Variants in VAV2 observed in about 807,000 individuals in gnomAD.
VAV2 encodes guanine nucleotide exchange factor VAV2.
VAV2 carries 67 observed loss-of-function variants against 132.5 expected under a neutral mutation model. That is an observed-to-expected ratio of 0.51 (90% CI 0.42 to 0.62). The LOEUF (loss-of-function observed/expected upper bound fraction) is 0.62. Among genes scored for constraint, VAV2 ranks in the 20% least tolerant of loss-of-function variants. VAV2 has a pLI of 0.00. For missense variants in VAV2, 938 were observed against 1,153.6 expected, an observed-to-expected ratio of 0.81 and a Z score of 2.71; for synonymous variants, 492 against 443.5, an observed-to-expected ratio of 1.11 and a Z score of -1.37.
In VAV2 at chr9:133,903,835, C is replaced by T. The variant is rs74914852; in HGVS notation, c.321+35268G>A. ...TCCACACTGAGACCCGGAGAGGGCTCGGGGAGGCAGAGACCCTGAGCTTGA... is the reference window on the plus strand; with the variant it reads ...TCCACACTGAGACCCGGAGAGGGCTTGGGGAGGCAGAGACCCTGAGCTTGA... On this transcript the variant is annotated intron_variant, in intron 2 of 29. Coordinates refer to ENST00000371850, the MANE Select transcript of VAV2 (RefSeq NM_001134398.2). Among the ~76,000 whole-genome samples the T allele has an allele frequency of 4.4e-3, 671 of 152,106 alleles. 21 individuals are homozygous for T. The East Asian group carries it at 0.074, about 17-fold the overall frequency.
intron 2 of VAV2, among the ~76,000 whole-genome samples, chr9:133,871,459 T>C (rs1234327898): frequency 6.9e-6 from 1 of 144,732 alleles, no homozygotes; most frequent in East Asian, 2.1e-4. Flanking sequence ...GATGGATGGA[T>C]GGAGAAGCGG....
chr9:133,948,054 G>A (rs1841427890), intron 1 of VAV2, among the ~76,000 whole-genome samples: 1 of 152,148 alleles, frequency 6.6e-6, no homozygotes, highest in Non-Finnish European at 1.5e-5. Flanking sequence ...GCCTCCCAAA[G>A]TGCTGGGATT....
chr9:133,877,055 C>T (rs1028047886), intron 2 of VAV2, among the ~76,000 whole-genome samples: 5 of 152,120 alleles, frequency 3.3e-5, no homozygotes, highest in African/African-American at 1.2e-4. Context: ...TCCCTCCCCA[C>T]CCACCTGGGG....
At position 133,768,682 on chromosome 9, in the gene VAV2, T is replaced by A; in HGVS notation, c.2435-86A>T. ...AGGCCCTTGGGCCAAGCTGGGTCTCTCCCCTGGTGCCCAGAACCCTGCTCT... is the reference window on the plus strand; with the variant it reads ...AGGCCCTTGGGCCAAGCTGGGTCTCACCCCTGGTGCCCAGAACCCTGCTCT... On this transcript the variant is annotated intron_variant, in intron 28 of 29. Coordinates refer to ENST00000371850, the MANE Select transcript of VAV2 (RefSeq NM_001134398.2). The surrounding 1 kb of genome is among the most constrained non-coding windows in gnomAD (Gnocchi z 5.3). The A allele has an allele frequency of 6.7e-7, 1 of 1,500,258 alleles. No homozygotes were observed. The highest frequency in any genetic ancestry group is 8.9e-7 in the Non-Finnish European group (1 of 1,120,116). 92.9% of individuals were successfully genotyped at this position (1,500,258 alleles called of 1,614,324 possible). A position where few individuals can be genotyped will look rare whatever the true frequency, so the allele number is the denominator to read the frequency against.
intron 2 of VAV2, among the ~76,000 whole-genome samples, chr9:133,921,698 C>G (rs887017588): frequency 2.0e-5 from 3 of 152,204 alleles, no homozygotes; most frequent in African/African-American, 7.2e-5. Context: ...CAGATACGGC[C>G]CAGGCCCTGC....
chr9:133,931,153 C>T (rs999252436), intron 2 of VAV2, among the ~76,000 whole-genome samples: 1 of 152,160 alleles, frequency 6.6e-6, no homozygotes, highest in Non-Finnish European at 1.5e-5. Context: ...AGACTTCACT[C>T]GGAAACCTGT....
At chr9:133,939,336 T>A in intron 1 of VAV2, 117 bp from the exon 2 acceptor site, 1 of 905,460 alleles carries the variant, frequency 1.1e-6, no homozygotes, top group East Asian at 2.4e-5. Flanking sequence ...ACATCCAAGC[T>A]CATTCCTGTT....
chr9:133,862,328 G>A (rs1196571338), intron 2 of VAV2, among the ~76,000 whole-genome samples: 1 of 152,262 alleles, frequency 6.6e-6, no homozygotes, highest in Non-Finnish European at 1.5e-5. Context: ...ACAGGGAGCT[G>A]GCTGGCCCAG....
At chr9:133,854,128 ACACACACCCC>A (rs56292706) in intron 3 of VAV2, among the ~76,000 whole-genome samples, 16,780 of 119,894 alleles carry the variant, frequency 0.14, 1,081 homozygotes, top group South Asian at 0.18. Flanking sequence ...GCACCTGCAC[ACACACACCCC>A]TTGCACCTGC....
chr9:133,798,632 C>T (rs1391937177), intron 9 of VAV2, among the ~76,000 whole-genome samples: 2 of 152,182 alleles, frequency 1.3e-5, no homozygotes, highest in Admixed American at 6.5e-5. Context: ...ACCCCATAAC[C>T]CCACCGACAG....
At chr9:133,897,678 T>C (rs10993845) in intron 2 of VAV2, among the ~76,000 whole-genome samples, 8,033 of 152,256 alleles carry the variant, frequency 0.053, 286 homozygotes, top group South Asian at 0.095. Context: ...AGATCGTCCA[T>C]GATTGCTCTT....
intron 2 of VAV2, among the ~76,000 whole-genome samples, chr9:133,864,316 G>C (rs908504274): frequency 6.6e-6 from 1 of 152,204 alleles, no homozygotes; most frequent in African/African-American, 2.4e-5. Context: ...AGGCATGCTG[G>C]GGAGCCCACC....
chr9:133,931,095 T>G (rs540244534), intron 2 of VAV2, among the ~76,000 whole-genome samples: 2 of 152,276 alleles, frequency 1.3e-5, no homozygotes, highest in East Asian at 3.9e-4. Flanking sequence ...CGCGGGTTCC[T>G]GGGGCCAGGC....
chr9:133,992,004 C>A lies in VAV2; in HGVS notation c.204+71G>T. 7.7e-7 allele frequency: 1 copy of A among 1,296,100 alleles called. No homozygotes were observed. The highest frequency in any genetic ancestry group is 9.9e-7 in the Non-Finnish European group (1 of 1,008,114). The allele number at this position is 1,296,100 out of a possible 1,614,324, so 80.3% of individuals were successfully genotyped here. A position where few individuals can be genotyped will look rare whatever the true frequency, so the allele number is the denominator to read the frequency against. On this transcript the variant is annotated intron_variant, in intron 1 of 29. Coordinates refer to ENST00000371850, the MANE Select transcript of VAV2 (RefSeq NM_001134398.2). This position sits in a 1 kb window ranked among gnomAD's most constrained non-coding sequence, Gnocchi z 5.5. ...CCTGGGCCGCCGCCGCTGCGACCTC[C>A]GCGTTCAGTCCGCGCGTCGGGCAGC...
At chr9:133,781,832 G>A (rs1834018362) in intron 19 of VAV2, among the ~76,000 whole-genome samples, 1 of 152,236 alleles carries the variant, frequency 6.6e-6, no homozygotes, top group Non-Finnish European at 1.5e-5. Flanking sequence ...GCTGGTGCCA[G>A]CCAGGGCGCT....
At chr9:133,855,083 A>C (rs1334845503) in intron 3 of VAV2, among the ~76,000 whole-genome samples, 1 of 152,338 alleles carries the variant, frequency 6.6e-6, no homozygotes, top group South Asian at 2.1e-4. Context: ...CGGATGGAAG[A>C]GAGTGGAGAG....
At chr9:133,827,443 G>A (rs1252472988) in intron 4 of VAV2, among the ~76,000 whole-genome samples, 156 of 1,948 alleles carry the variant, frequency 0.08, 9 homozygotes, top group Non-Finnish European at 0.098. Flanking sequence ...ACCACTGAGT[G>A]GGGGCATCAC....
intron 2 of VAV2, among the ~76,000 whole-genome samples, chr9:133,873,091 C>T (rs927585003): frequency 3.3e-4 from 20 of 59,768 alleles, no homozygotes; most frequent in Non-Finnish European, 5.4e-4. Flanking sequence ...CCAGCCTGGG[C>T]GACAGAGGGA....
At chr9:133,871,817 G>A (rs1588295325) in intron 2 of VAV2, among the ~76,000 whole-genome samples, 1 of 152,204 alleles carries the variant, frequency 6.6e-6, no homozygotes, top group Non-Finnish European at 1.5e-5. Flanking sequence ...GTCTGACTCA[G>A]AGCCCAGCTC....
Sources: allele counts gnomAD v4.1 joint callset (sites outside exome capture counted in the v4.1 genomes callset), GRCh38; gene constraint gnomAD v4.1.1; non-coding constraint Gnocchi (gnomAD v3.1); transcripts MANE v1.5; gene names NCBI Gene and HGNC (gene_info 2026-07-23, HGNC 2026-07-21).